The following ZC3HAV1L variants were observed in gnomAD, a reference collection of about 807,000 sequenced individuals.
ZC3HAV1L encodes ZC3HAV1 like, also known as zinc finger CCCH-type antiviral protein 1-like.
A neutral mutation model predicts 28.2 loss-of-function variants in ZC3HAV1L; 23 were observed. The ratio of observed to expected loss-of-function variants is 0.82; its 90% confidence interval spans 0.59 to 1.16. ZC3HAV1L has a LOEUF of 1.16. Among genes scored for constraint, ZC3HAV1L ranks in the 50% most tolerant of loss-of-function variants. ZC3HAV1L has a pLI of 0.00. For missense variants in ZC3HAV1L, 376 were observed against 387.7 expected, an observed-to-expected ratio of 0.97 and a Z score of 0.25; for synonymous variants, 180 against 163.4, an observed-to-expected ratio of 1.10 and a Z score of -0.78.
rs1366178294 is a variant in ZC3HAV1L, at chr7:139,025,818, T to A, written c.*726A>T. ...GAAAAATTCAATATTCTGCAGATTT[T>A]AAGACAGGAGTTATATTCAAAATTT... On this transcript the variant is annotated 3_prime_UTR_variant, in exon 5 of 5. Coordinates refer to ENST00000275766, the MANE Select transcript of ZC3HAV1L (RefSeq NM_080660.4). 4 of 152,066 alleles carry A rather than the reference T, an allele frequency of 2.6e-5. No individual in the cohort carries two copies. The highest frequency in any genetic ancestry group is 5.9e-5 in the Non-Finnish European group (4 of 68,012). 9.4% of individuals were successfully genotyped at this position (152,066 alleles called of 1,614,324 possible).
At chr7:139,025,364 C>T (rs1028074650), downstream of ZC3HAV1L, among the ~76,000 whole-genome samples, 1 of 151,424 alleles carries the variant, frequency 6.6e-6, no homozygotes, top group Non-Finnish European at 1.5e-5. Context: ...AGGAGAACCA[C>T]TTGAACCCAG....
downstream of ZC3HAV1L, among the ~76,000 whole-genome samples, chr7:139,024,163 T>C (rs1815300755): frequency 6.6e-6 from 1 of 152,164 alleles, no homozygotes; most frequent in Admixed American, 6.6e-5. Context: ...CTTTTCCAAC[T>C]ATAATGCGAT....
chr7:139,033,707 C>T (rs2130637545), intron 2 of ZC3HAV1L: 7 of 984,786 alleles, frequency 7.1e-6, no homozygotes, highest in South Asian at 4.7e-5. Context: ...AAAAAACATT[C>T]GATAGATTTG....
chr7:139,026,864 C>T (rs750909818), intron 3 of ZC3HAV1L, 31 bp from the exon 4 acceptor site: 52 of 1,588,988 alleles, frequency 3.3e-5, no homozygotes, highest in South Asian at 6.8e-5. Flanking sequence ...AGTTTTCCTA[C>T]GATACCCCAA....
chr7:139,035,639 CG>C lies in ZC3HAV1L; in HGVS notation c.365+13del. On this transcript the variant is annotated intron_variant, in intron 1 of 4. Coordinates refer to ENST00000275766, the MANE Select transcript of ZC3HAV1L (RefSeq NM_080660.4). The stretch of plus-strand genomic sequence containing the variant: ...GCCAGCGCCCACAGTCCCCGCCCGC[CG>C]CCGCCTTCTCACCAGCAGTCCCGGT... 7.2e-7 allele frequency: 1 copy of C among 1,394,058 alleles called. No individual in the cohort carries two copies. Among genetic ancestry groups the C allele is most frequent in the East Asian group, 3.0e-5 (1 of 33,098 alleles). The allele number at this position is 1,394,058 out of a possible 1,614,324, so 86.4% of individuals were successfully genotyped here.
rs1584816502 is a variant in ZC3HAV1L, at chr7:139,026,360, C to G, written c.*184G>C. The G allele has an allele frequency of 4.8e-6, 4 of 838,544 alleles. No homozygotes were observed. In the East Asian group the frequency reaches 1.1e-4, roughly 23 times the overall value. The allele number at this position is 838,544 out of a possible 1,614,324, so 51.9% of individuals were successfully genotyped here. ...CAGAAGTCAGCAGAGCTCCATCTAC[C>G]CAGCCTGAGGAAAGCACCTAGGAGC... On this transcript the variant is annotated 3_prime_UTR_variant, in exon 5 of 5. Coordinates refer to ENST00000275766, the MANE Select transcript of ZC3HAV1L (RefSeq NM_080660.4).
Position 139,035,578 on chromosome 7 carries a change from G to A in ZC3HAV1L, c.365+75C>T, listed in dbSNP as rs561465664. ...GGGGCAGGACGAAGCCCCCCTTCCC[G>A]TCGCTCCCGCTTCCAGCAGGACGGC... On this transcript the variant is annotated intron_variant, in intron 1 of 4. Transcript: ENST00000275766. The A allele has an allele frequency of 3.7e-6, 5 of 1,339,636 alleles. No individual in the cohort carries two copies. The South Asian group carries it at 9.5e-5, about 25-fold the overall frequency. 83.0% of individuals were successfully genotyped at this position (1,339,636 alleles called of 1,614,324 possible).
downstream of ZC3HAV1L, among the ~76,000 whole-genome samples, chr7:139,023,500 C>T (rs1815289698): frequency 1.3e-5 from 2 of 152,178 alleles, no homozygotes; most frequent in Non-Finnish European, 1.5e-5. Context: ...TTCACTTCAT[C>T]CATTTAACTC....
chr7:139,026,893 A>T (rs1815369986), intron 3 of ZC3HAV1L, 60 bp from the exon 4 acceptor site: 1 of 1,560,674 alleles, frequency 6.4e-7, no homozygotes, highest in Non-Finnish European at 8.7e-7. Context: ...TTACGTTGGG[A>T]GCAACAGCCC....
chr7:139,026,859 T>C (rs547743061), intron 3 of ZC3HAV1L, 26 bp from the exon 4 acceptor site: 4 of 1,592,070 alleles, frequency 2.5e-6, no homozygotes, highest in Admixed American at 1.7e-5. Flanking sequence ...GGATAAGTTT[T>C]CCTACGATAC....
In ZC3HAV1L at chr7:139,035,807, C is replaced by A. The variant is rs1490732835; in HGVS notation, c.211G>T (p.Ala71Ser). 1 of 1,484,610 alleles carries A rather than the reference C, an allele frequency of 6.7e-7. No homozygotes were observed. Among genetic ancestry groups the A allele is most frequent in the Non-Finnish European group, 8.9e-7 (1 of 1,126,412 alleles). The allele number at this position is 1,484,610 out of a possible 1,614,324, so 92.0% of individuals were successfully genotyped here. ...GCGGAGGTGCCGCCACCGCCCACCG[C>A]GCCGGCCGCCGCCTCGGCCTCCGCG... ...GDAEAEAAAG[A>S]VGGGGTSAWR... The change falls in exon 1 of 5, where the codon GCG becomes TCG. Residue 71 changes from alanine to serine, a missense_variant. Coordinates refer to ENST00000275766, the MANE Select transcript of ZC3HAV1L (RefSeq NM_080660.4).
chr7:139,025,471 C>T (rs927962895), downstream of ZC3HAV1L, among the ~76,000 whole-genome samples: 1 of 148,024 alleles, frequency 6.8e-6, no homozygotes, highest in Non-Finnish European at 1.5e-5. Context: ...AAAGAGTAGA[C>T]AGAGTGAGGT....
At chr7:139,028,564 C>T (rs558932978) in intron 3 of ZC3HAV1L, 138 bp downstream of exon 3, 2 of 1,193,750 alleles carry the variant, frequency 1.7e-6, no homozygotes, top group African/African-American at 3.1e-5. Context: ...CTAAACTTTC[C>T]CAAGAACAAA....
chr7:139,022,451 C>A, downstream of ZC3HAV1L: 1 of 405,696 alleles, frequency 2.5e-6, no homozygotes, highest in Non-Finnish European at 5.0e-6. Context: ...GAAGCTGAGG[C>A]AAGAGGATGG....
chr7:139,024,787 T>C (rs1815311856), downstream of ZC3HAV1L, among the ~76,000 whole-genome samples: 1 of 152,274 alleles, frequency 6.6e-6, no homozygotes, highest in Non-Finnish European at 1.5e-5. Context: ...ACATTGTCTC[T>C]GTTTCTCAAA....
At position 139,030,897 on chromosome 7, in the gene ZC3HAV1L, G is replaced by T. The variant is rs76927312; in HGVS notation, c.502-1937C>A. Among the ~76,000 whole-genome samples, 1,277 of 151,946 alleles carry T rather than the reference G, an allele frequency of 8.4e-3. 25 individuals carry two copies. Among genetic ancestry groups the T allele is most frequent in the African/African-American group, 0.03 (1,229 of 41,398 alleles). ...ATCCTAAATCTGATCAAAATTTGAG[G>T]GATACAGGAACATGTTCAATAGTAC... On this transcript the variant is annotated intron_variant, in intron 2 of 4. Transcript: ENST00000275766.
chr7:139,026,746 G>A lies in ZC3HAV1L; in HGVS notation c.848C>T (p.Ala283Val), dbSNP rs1815363628. 1 of 1,614,062 alleles carries A rather than the reference G, an allele frequency of 6.2e-7. No individual in the cohort carries two copies. The highest frequency in any genetic ancestry group is 1.3e-5 in the African/African-American group (1 of 74,930). Reference protein sequence around the residue: ...AAGAAEAGPLASVPAQSAKKP... With the variant: ...AAGAAEAGPLVSVPAQSAKKP... ...CTTGGCCGACTGAGCAGGGACAGAA[G>A]CCAGAGGACCAGCTTCTGCAGCTCC... Residue 283 changes from alanine (A) to valine (V), a missense_variant, in exon 4 of 5, where the codon GCT becomes GTT. Transcript: ENST00000275766.
Position 139,026,818 on chromosome 7 carries a change from G to A in ZC3HAV1L, c.776C>T (p.Ser259Leu), listed in dbSNP as rs769768641. 24 of 1,612,746 alleles carry A rather than the reference G, an allele frequency of 1.5e-5. 1 individual carries two copies. The East Asian group carries it at 2.5e-4, about 16-fold the overall frequency. The stretch of plus-strand genomic sequence containing the variant: ...CTCAAGGCCTTGTGAATGCTCAGTC[G>A]AAGGTGATGAATTATCTACAAAGAG... ...MLENTDNSSP[S>L]TEHSQGLEKQ... Residue 259 changes from serine to leucine, a missense_variant, in exon 4 of 5, where the codon TCG becomes TTG. Ser to Leu is a moderately radical substitution (Grantham distance 145). Transcript: ENST00000275766.
Position 139,028,869 on chromosome 7 carries a change from A to T in ZC3HAV1L, c.593T>A (p.Val198Glu). The T allele has an allele frequency of 3.1e-6, 5 of 1,614,184 alleles. No individual in the cohort carries two copies. The highest frequency in any genetic ancestry group is 4.2e-6 in the Non-Finnish European group (5 of 1,180,026). Reference protein sequence around the residue: ...CNKFHVCKSFVKGECKLQTCK... With the variant: ...CNKFHVCKSFEKGECKLQTCK... ...GGTCTGAAGTTTGCATTCTCCTTTCACAAAGGATTTGCACACATGAAACTT... is the reference window on the plus strand; with the variant it reads ...GGTCTGAAGTTTGCATTCTCCTTTCTCAAAGGATTTGCACACATGAAACTT... Residue 198 changes from valine to glutamate, a missense_variant, in exon 3 of 5, where the codon GTG becomes GAG. Transcript: ENST00000275766.
Sources: gnomAD v4.1 joint callset for allele counts (sites outside exome capture counted in the v4.1 genomes callset) on GRCh38, gnomAD v4.1.1 for gene constraint, MANE v1.5 for transcripts, NCBI Gene and HGNC (gene_info 2026-07-23, HGNC 2026-07-21) for gene names.